CCBE1: variants seen among roughly 807,000 people sequenced by gnomAD.
The protein encoded by CCBE1 is collagen and calcium-binding EGF domain-containing protein 1.
Under a neutral mutation model 50.0 loss-of-function variants are expected in CCBE1, and 37 were observed. That is an observed-to-expected ratio of 0.74 (90% CI 0.57 to 0.97). CCBE1 has a LOEUF of 0.97. Ranked by LOEUF, CCBE1 falls within the 50% of genes least tolerant of loss-of-function variation. The pLI is 0.00. For missense variants in CCBE1, 538 were observed against 523.8 expected (o/e 1.03, Z -0.26); for synonymous variants, 234 against 203.7 (o/e 1.15, Z -1.27).
At chr18:59,537,373 G>T (rs916751996) in intron 2 of CCBE1, among the ~76,000 whole-genome samples, 1 of 152,132 alleles carries the variant, frequency 6.6e-6, no homozygotes, top group Admixed American at 6.5e-5. Context: ...ATTCCCACGT[G>T]TTGTGGGAAG....
chr18:59,693,886 T>TTG (rs2054770462), intron 2 of CCBE1, among the ~76,000 whole-genome samples: 1 of 142,826 alleles, frequency 7.0e-6, no homozygotes, highest in East Asian at 2.0e-4. Flanking sequence ...TTTTTTTTTT[T>TTG]TTTTGAGACA....
chr18:59,536,280 C>T (rs1040479573), intron 2 of CCBE1, among the ~76,000 whole-genome samples: 1 of 152,140 alleles, frequency 6.6e-6, no homozygotes, highest in Non-Finnish European at 1.5e-5. Context: ...TGCCCAGCAT[C>T]CGCATAGAGC....
At chr18:59,600,936 T>C (rs1456396172) in intron 2 of CCBE1, among the ~76,000 whole-genome samples, 3 of 151,160 alleles carry the variant, frequency 2.0e-5, no homozygotes, top group African/African-American at 7.3e-5. Context: ...TAAACCCATT[T>C]CCCTTGCTTT....
rs572447589 is a variant in CCBE1, at chr18:59,669,204, C to A, written c.212+27425G>T. On this transcript the variant is annotated intron_variant, in intron 2 of 10. Transcript: ENST00000439986. ...CACTTATTTTCCAATATGGTATCAC[C>A]AGTATCCTCCGCCAGCCTTCCCCTC... Among the ~76,000 whole-genome samples, 20 of 152,238 alleles carry A rather than the reference C, an allele frequency of 1.3e-4. No individual in the cohort carries two copies. In the South Asian group the frequency reaches 4.2e-3, roughly 32 times the overall value.
rs1223424889 is a variant in CCBE1, at chr18:59,433,122, A to C, written c.*2786T>G. On this transcript the variant is annotated 3_prime_UTR_variant, in exon 11 of 11. Transcript: ENST00000439986. ...ATGAATGTTGAATTTTGCAGAGAGA[A>C]GGAGGAAGGAAAGATGCTAGATAAA... 2.0e-5 allele frequency: 3 copies of C among 152,166 alleles called. No homozygotes were observed. Among genetic ancestry groups the C allele is most frequent in the Non-Finnish European group, 4.4e-5 (3 of 68,040 alleles). The allele number at this position is 152,166 out of a possible 1,614,324, so 9.4% of individuals were successfully genotyped here.
At chr18:59,625,614 C>T (rs2053773325) in intron 2 of CCBE1, among the ~76,000 whole-genome samples, 1 of 152,096 alleles carries the variant, frequency 6.6e-6, no homozygotes, top group Non-Finnish European at 1.5e-5. Context: ...ACCACCTTCT[C>T]CCTGTCTGAA....
At chr18:59,447,243 A>G (rs940283936) in intron 7 of CCBE1, among the ~76,000 whole-genome samples, 1 of 152,210 alleles carries the variant, frequency 6.6e-6, no homozygotes, top group Non-Finnish European at 1.5e-5. Flanking sequence ...GTGTATAAAG[A>G]TTCTAGTCAT....
At chr18:59,505,632 A>G (rs9954243) in intron 2 of CCBE1, among the ~76,000 whole-genome samples, 41,099 of 152,150 alleles carry the variant, frequency 0.27, 5,795 homozygotes, top group Middle Eastern at 0.34. Context: ...CATATCTTCT[A>G]AAATAATTTA....
chr18:59,606,667 T>C (rs2053503255), intron 2 of CCBE1, among the ~76,000 whole-genome samples: 1 of 152,146 alleles, frequency 6.6e-6, no homozygotes, highest in Admixed American at 6.5e-5. Context: ...AGGCTGTATC[T>C]TAATCTTGAA....
intron 2 of CCBE1, among the ~76,000 whole-genome samples, chr18:59,503,793 C>T (rs1443535677): frequency 1.3e-5 from 2 of 152,194 alleles, no homozygotes; most frequent in Non-Finnish European, 2.9e-5. Context: ...CACTTCACTT[C>T]TTCAGGACTT....
rs752353141 is a variant in CCBE1 at position 59,605,010 on chromosome 18, T to C, written c.212+91619A>G. ...TGTCCAGTCACTGCCACCTACACCG[T>C]GTTCATCATGCCTGAAGATTAAAGC... On this transcript the variant is annotated intron_variant, in intron 2 of 10. Transcript: ENST00000439986. Among the ~76,000 whole-genome samples the C allele has an allele frequency of 9.8e-5, 15 of 152,286 alleles. No individual in the cohort carries two copies. In the South Asian group the frequency reaches 2.9e-3, roughly 29 times the overall value.
chr18:59,583,945 T>C (rs1360192094), intron 2 of CCBE1, among the ~76,000 whole-genome samples: 1 of 152,154 alleles, frequency 6.6e-6, no homozygotes, highest in Middle Eastern at 3.2e-3. Context: ...AGTGTGGCGA[T>C]TCCTCAGGGA....
At chr18:59,478,163 G>T (rs1286083901) in intron 3 of CCBE1, among the ~76,000 whole-genome samples, 1 of 151,986 alleles carries the variant, frequency 6.6e-6, no homozygotes, top group Non-Finnish European at 1.5e-5. Context: ...TGGATCTCTT[G>T]CCTGCCTGCC....
At chr18:59,468,599 G>A (rs986392605) in intron 4 of CCBE1, among the ~76,000 whole-genome samples, 7 of 152,092 alleles carry the variant, frequency 4.6e-5, no homozygotes, top group African/African-American at 1.2e-4. Context: ...GAGGACCTAC[G>A]GTTAGAACTT....
chr18:59,580,817 G>A (rs1037759317), intron 2 of CCBE1, among the ~76,000 whole-genome samples: 11 of 152,200 alleles, frequency 7.2e-5, no homozygotes, highest in African/African-American at 2.7e-4. Flanking sequence ...TAGCCCATAT[G>A]TTGATGCCAC....
At chr18:59,445,335 C>A (rs1402747586) in intron 7 of CCBE1, among the ~76,000 whole-genome samples, 1 of 152,134 alleles carries the variant, frequency 6.6e-6, no homozygotes, top group Admixed American at 6.5e-5. Flanking sequence ...ATTAGCATAT[C>A]CTCAGATAGT....
chr18:59,552,305 G>A (rs1215879867), intron 2 of CCBE1, among the ~76,000 whole-genome samples: 3 of 152,180 alleles, frequency 2.0e-5, no homozygotes, highest in Admixed American at 6.5e-5. Flanking sequence ...AAATTATTGT[G>A]AGCATTTTTC....
intron 2 of CCBE1, among the ~76,000 whole-genome samples, chr18:59,661,335 CA>C (rs2054282377): frequency 6.6e-6 from 1 of 152,138 alleles, no homozygotes. Context: ...TCCAGAGGGC[CA>C]AATATACACA....
chr18:59,579,710 C>G (rs77231039), intron 2 of CCBE1, among the ~76,000 whole-genome samples: 2 of 152,214 alleles, frequency 1.3e-5, no homozygotes, highest in Non-Finnish European at 2.9e-5. Flanking sequence ...ATGTTAGGCT[C>G]TTACTGCGTT....
Sources: gnomAD v4.1 joint callset for allele counts (sites outside exome capture counted in the v4.1 genomes callset) on GRCh38, gnomAD v4.1.1 for gene constraint, MANE v1.5 for transcripts, NCBI Gene and HGNC (gene_info 2026-07-23, HGNC 2026-07-21) for gene names.